RPE65: variants seen among roughly 807,000 people sequenced by gnomAD.
The protein encoded by RPE65 is retinoid isomerohydrolase.
Under a neutral mutation model 68.5 loss-of-function variants are expected in RPE65, and 58 were observed. The observed-to-expected ratio is 0.85, with a 90% CI of 0.69 to 1.05. The LOEUF is 1.05. Ranked by LOEUF, RPE65 falls within the 50% of genes least tolerant of loss-of-function variation. The pLI is 0.00. For synonymous variants in RPE65, 220 were observed against 222.2 expected, an observed-to-expected ratio of 0.99 and a Z score of 0.09; for missense variants, 643 against 629.9, an observed-to-expected ratio of 1.02 and a Z score of -0.22.
At chr1:68,442,888 C>G (rs1186873055) in intron 5 of RPE65, among the ~76,000 whole-genome samples, 1 of 152,130 alleles carries the variant, frequency 6.6e-6, no homozygotes, top group African/African-American at 2.4e-5. Flanking sequence ...AGTAAATAGT[C>G]TGTTGAGAAT....
At chr1:68,448,275 T>A in intron 2 of RPE65, among the ~76,000 whole-genome samples, 1 of 152,104 alleles carries the variant, frequency 6.6e-6, no homozygotes, top group East Asian at 1.9e-4. Flanking sequence ...CCTTTAATAC[T>A]CCCAGGTGCT....
At position 68,440,845 on chromosome 1, in the gene RPE65, A is replaced by G; in HGVS notation, c.643+8T>C. ...TATTTTCAGAAGAGGACAGATTGGT[A>G]AACTCACCTGCTTGCAGTGGTGGGA... On this transcript the variant is annotated splice_region_variant and intron_variant, in intron 6 of 13. Coordinates refer to ENST00000262340, the MANE Select transcript of RPE65 (RefSeq NM_000329.3). The G allele has an allele frequency of 6.2e-7, 1 of 1,613,934 alleles. No individual in the cohort carries two copies. Among genetic ancestry groups the G allele is most frequent in the Non-Finnish European group, 8.5e-7 (1 of 1,179,808 alleles).
chr1:68,448,384 A>G (rs1645957254), intron 2 of RPE65, among the ~76,000 whole-genome samples: 1 of 152,222 alleles, frequency 6.6e-6, no homozygotes, highest in Non-Finnish European at 1.5e-5. Context: ...CAGTTTGAAG[A>G]TGACAAAGGT....
intron 2 of RPE65, among the ~76,000 whole-genome samples, chr1:68,447,968 A>G (rs1311305981): frequency 6.6e-6 from 1 of 152,264 alleles, no homozygotes; most frequent in Non-Finnish European, 1.5e-5. Flanking sequence ...GAAGTTTTTC[A>G]AGCAAATGGA....
At chr1:68,442,077 A>G (rs1645906657) in intron 5 of RPE65, among the ~76,000 whole-genome samples, 1 of 152,232 alleles carries the variant, frequency 6.6e-6, no homozygotes, top group African/African-American at 2.4e-5. Flanking sequence ...AGTGCTTAAT[A>G]ACACCAGGAT....
chr1:68,430,030 A>G, intron 13 of RPE65, 103 bp from the exon 14 acceptor site: 1 of 1,444,512 alleles, frequency 6.9e-7, no homozygotes, highest in Non-Finnish European at 9.5e-7. Context: ...TGACAAATAT[A>G]GAAAACCATA....
chr1:68,444,802 T>C lies in RPE65; in HGVS notation c.327A>G (p.Pro109=), dbSNP rs1356737522. 1.9e-6 allele frequency: 3 copies of C among 1,614,106 alleles called. No homozygotes were observed. The part of the protein sequence containing the change: ...VITEFGTCAF[P]DPCKNIFSRF... ...TGGAAAATATATTCTTGCAGGGATC[T>C]GGGAAAGCACAGGTGCCAAATTCTG... Residue 109 remains proline (P), a synonymous_variant, in exon 4 of 14, where the codon CCA becomes CCG. Transcript: ENST00000262340.
Position 68,431,342 on chromosome 1 carries a change from A to G in RPE65, c.1278T>C (p.Tyr426=). 1.9e-6 allele frequency: 3 copies of G among 1,614,002 alleles called. No homozygotes were observed. Among genetic ancestry groups the G allele is most frequent in the Non-Finnish European group, 2.5e-6 (3 of 1,179,940 alleles). The change falls in exon 12 of 14, where the codon TAT becomes TAC. Residue 426 remains tyrosine, a synonymous_variant. Coordinates refer to ENST00000262340, the MANE Select transcript of RPE65 (RefSeq NM_000329.3). ...FEFPQINYQK[Y]CGKPYTYAYG... ...ACGCATATGTGTAAGGTTTCCCACAATACTTCTGGTAATTGATTTGAGGAA... is the reference window on the plus strand; with the variant it reads ...ACGCATATGTGTAAGGTTTCCCACAGTACTTCTGGTAATTGATTTGAGGAA...
chr1:68,443,660 A>T (rs933692101), intron 5 of RPE65, among the ~76,000 whole-genome samples: 7 of 152,026 alleles, frequency 4.6e-5, no homozygotes, highest in Non-Finnish European at 8.8e-5. Flanking sequence ...TTCCTTTCGT[A>T]TTTATGCTTT....
chr1:68,433,663 A>G (rs1645841469), intron 10 of RPE65, among the ~76,000 whole-genome samples: 2 of 152,176 alleles, frequency 1.3e-5, no homozygotes, highest in Non-Finnish European at 2.9e-5. Context: ...TGAAGCCGGG[A>G]AATGTAGCAG....
At chr1:68,438,445 A>G (rs1645876309) in intron 9 of RPE65, 129 bp from the exon 10 acceptor site, 1 of 1,086,920 alleles carries the variant, frequency 9.2e-7, no homozygotes, top group South Asian at 1.4e-5. Flanking sequence ...CTATTGAGCC[A>G]GGTGTATCAG....
chr1:68,430,198 G>A (rs1645816138), intron 13 of RPE65, among the ~76,000 whole-genome samples: 2 of 152,138 alleles, frequency 1.3e-5, no homozygotes, highest in African/African-American at 2.4e-5. Flanking sequence ...CTATGACAAT[G>A]ACTACAGCGT....
Position 68,431,182 on chromosome 1 carries a change from T to A in RPE65, c.1339-6A>T. The A allele has an allele frequency of 6.2e-7, 1 of 1,613,570 alleles. No individual in the cohort carries two copies. The highest frequency in any genetic ancestry group is 1.7e-5 in the Admixed American group (1 of 59,940). On this transcript the variant is annotated splice_polypyrimidine_tract_variant and splice_region_variant and intron_variant, in intron 12 of 13. Transcript: ENST00000262340. ...TTGACATTCAGCTTACAGAGCTGTT[T>A]GTGAGAAAGAAAAATCAATCAAGCA...
rs1307155552 is a variant in RPE65, at chr1:68,438,243, T to C, written c.1072A>G (p.Arg358Gly). The C allele has an allele frequency of 1.2e-6, 2 of 1,614,016 alleles. No homozygotes were observed. Among genetic ancestry groups the C allele is most frequent in the South Asian group, 2.2e-5 (2 of 91,078 alleles). Residue 358 changes from arginine to glycine, a missense_variant, in exon 10 of 14, where the codon AGA becomes GGA. Arg to Gly is a moderately radical substitution (Grantham distance 125). Transcript: ENST00000262340. ...CTAACTTCAGGTTGGGGAGCCTTTC[T>C]GGCATTTTTTTTCACCTCTTCCCAG... ...ENWEEVKKNA[R>G]KAPQPEVRRY...
rs754625660 is a variant in RPE65, at chr1:68,438,933, CT to C, written c.998+8del. On this transcript the variant is annotated splice_region_variant and intron_variant, in intron 9 of 13. Transcript: ENST00000262340. ...GGAGGTGTCCCATTTGTCCAGTGTCCTTTCTTACCCTTTCCAGCAGCAGAGA... is the reference window on the plus strand; with the variant it reads ...GGAGGTGTCCCATTTGTCCAGTGTCCTTCTTACCCTTTCCAGCAGCAGAGA... 2 of 1,613,922 alleles carry C rather than the reference CT, an allele frequency of 1.2e-6. No individual in the cohort carries two copies. The highest frequency in any genetic ancestry group is 1.7e-6 in the Non-Finnish European group (2 of 1,179,918).
At position 68,431,236 on chromosome 1, in the gene RPE65, A is replaced by G; in HGVS notation, c.1338+46T>C. On this transcript the variant is annotated intron_variant, in intron 12 of 13. Coordinates refer to ENST00000262340, the MANE Select transcript of RPE65 (RefSeq NM_000329.3). ...AGTCAATATGCTTTACTTGACTAGC[A>G]TATACTCAAAGCACTGTTCAAATAT... is the stretch of plus-strand genomic sequence containing the variant. The G allele has an allele frequency of 1.9e-6, 3 of 1,606,876 alleles. No homozygotes were observed. The African/African-American group carries it at 4.0e-5, about 21-fold the overall frequency.
chr1:68,448,598 A>T, intron 2 of RPE65, 26 bp downstream of exon 2: 1 of 1,605,770 alleles, frequency 6.2e-7, no homozygotes, highest in Non-Finnish European at 8.5e-7. Flanking sequence ...ATAAAAGAGG[A>T]TGGCTTCAAG....
intron 5 of RPE65, 103 bp from the exon 6 acceptor site, chr1:68,441,103 A>C: frequency 7.5e-7 from 1 of 1,337,022 alleles, no homozygotes; most frequent in Non-Finnish European, 1.0e-6. Context: ...TCTCATCCTA[A>C]GTGCACTTCT....
At chr1:68,436,441 CTTCTATTTAT>C (rs1645863092) in intron 10 of RPE65, among the ~76,000 whole-genome samples, 1 of 140,866 alleles carries the variant, frequency 7.1e-6, no homozygotes, top group Non-Finnish European at 1.5e-5. Context: ...GCTCCTGTTA[CTTCTATTTAT>C]TTATTTATTT....
Sources: gnomAD v4.1 joint callset for allele counts (sites outside exome capture counted in the v4.1 genomes callset) on GRCh38, gnomAD v4.1.1 for gene constraint, MANE v1.5 for transcripts, NCBI Gene and HGNC (gene_info 2026-07-23, HGNC 2026-07-21) for gene names.